The following NKAIN2 variants were observed in gnomAD, a reference collection of about 807,000 sequenced individuals.
NKAIN2 encodes sodium/potassium transporting ATPase interacting 2, also known as sodium/potassium-transporting ATPase subunit beta-1-interacting protein 2.
Under a neutral mutation model 32.6 loss-of-function variants are expected in NKAIN2, and 14 were observed. The observed-to-expected ratio is 0.43, with a 90% CI of 0.28 to 0.67. The LOEUF (loss-of-function observed/expected upper bound fraction) is 0.67, where lower values mean the gene tolerates loss of function less well. Among genes scored for constraint, NKAIN2 ranks in the 30% least tolerant of loss-of-function variants. The pLI, the probability that NKAIN2 is intolerant of heterozygous loss-of-function variation, is 0.17. For synonymous variants in NKAIN2, 80 were observed against 87.2 expected, an observed-to-expected ratio of 0.92 and a Z score of 0.46; for missense variants, 198 against 258.3, an observed-to-expected ratio of 0.77 and a Z score of 1.60.
chr6:123,837,303 G>A (rs1256362540), intron 1 of NKAIN2, among the ~76,000 whole-genome samples: 1 of 151,706 alleles, frequency 6.6e-6, no homozygotes, highest in East Asian at 1.9e-4. Flanking sequence ...ATGTCAAATA[G>A]GATTTCCAAT....
At chr6:124,211,848 T>A (rs760976448) in intron 1 of NKAIN2, among the ~76,000 whole-genome samples, 1 of 152,074 alleles carries the variant, frequency 6.6e-6, no homozygotes, top group Non-Finnish European at 1.5e-5. Context: ...GTTTAAATAG[T>A]GCCAATTATA....
At chr6:123,866,221 TC>T (rs1415720677) in intron 1 of NKAIN2, among the ~76,000 whole-genome samples, 3 of 152,292 alleles carry the variant, frequency 2.0e-5, no homozygotes, top group Admixed American at 2.0e-4. Context: ...TTACTCTTTT[TC>T]CCTCTCCTTT....
At chr6:124,733,780 T>C (rs1457140541) in intron 4 of NKAIN2, among the ~76,000 whole-genome samples, 1 of 151,712 alleles carries the variant, frequency 6.6e-6, no homozygotes, top group African/African-American at 2.4e-5. Flanking sequence ...TACATAGAAA[T>C]ATACACATGT....
chr6:124,530,562 G>A (rs554855143), intron 3 of NKAIN2, among the ~76,000 whole-genome samples: 1 of 152,240 alleles, frequency 6.6e-6, no homozygotes, highest in Admixed American at 6.5e-5. Context: ...ACCGAGCTGT[G>A]CAAGGGTCAA....
At chr6:124,537,889 T>C (rs1779775032) in intron 3 of NKAIN2, among the ~76,000 whole-genome samples, 1 of 152,242 alleles carries the variant, frequency 6.6e-6, no homozygotes, top group African/African-American at 2.4e-5. Flanking sequence ...AGGGTCATTG[T>C]CATAGTTACT....
intron 3 of NKAIN2, among the ~76,000 whole-genome samples, chr6:124,427,826 G>A (rs997039456): frequency 7.2e-5 from 11 of 152,120 alleles, no homozygotes; most frequent in East Asian, 5.8e-4. Flanking sequence ...TCAGTGTCAC[G>A]AAACCACGGA....
At chr6:124,124,357 C>T (rs1786047131) in intron 1 of NKAIN2, among the ~76,000 whole-genome samples, 1 of 77,064 alleles carries the variant, frequency 1.3e-5, no homozygotes, top group Admixed American at 1.2e-4. Flanking sequence ...AATTATTGCT[C>T]TTCCAGTTAA....
chr6:124,527,080 A>G (rs1368321607), intron 3 of NKAIN2, among the ~76,000 whole-genome samples: 1 of 152,070 alleles, frequency 6.6e-6, no homozygotes, highest in African/African-American at 2.4e-5. Context: ...AAAGTACCCA[A>G]CTCAGAGTGA....
At chr6:124,608,668 A>G (rs1782582298) in intron 3 of NKAIN2, among the ~76,000 whole-genome samples, 1 of 152,180 alleles carries the variant, frequency 6.6e-6, no homozygotes, top group African/African-American at 2.4e-5. Flanking sequence ...GAAACTTCTG[A>G]TTTTATAATG....
intron 3 of NKAIN2, among the ~76,000 whole-genome samples, chr6:124,456,327 C>T (rs1349241122): frequency 6.6e-6 from 1 of 151,536 alleles, no homozygotes; most frequent in East Asian, 1.9e-4. Context: ...AAAAAAACGA[C>T]ATACCTAACT....
intron 1 of NKAIN2, among the ~76,000 whole-genome samples, chr6:123,804,792 G>A (rs891905922): frequency 6.6e-6 from 1 of 152,066 alleles, no homozygotes; most frequent in Non-Finnish European, 1.5e-5. Flanking sequence ...GACTGTTTGA[G>A]TTTTAGCCAC....
chr6:124,156,195 A>T (rs547504670), intron 1 of NKAIN2, among the ~76,000 whole-genome samples: 4 of 152,160 alleles, frequency 2.6e-5, no homozygotes, highest in Non-Finnish European at 5.9e-5. Context: ...GTCACTAGAT[A>T]CTTATGGATG....
At chr6:124,571,318 TG>T (rs939168366) in intron 3 of NKAIN2, among the ~76,000 whole-genome samples, 1 of 152,056 alleles carries the variant, frequency 6.6e-6, no homozygotes, top group African/African-American at 2.4e-5. Context: ...TTTTAAAAAG[TG>T]AGGACATGAG....
chr6:124,701,700 TTCTC>T (rs757617406), intron 4 of NKAIN2, among the ~76,000 whole-genome samples: 1 of 150,294 alleles, frequency 6.7e-6, no homozygotes, highest in Non-Finnish European at 1.5e-5. Context: ...TTACATGTGT[TTCTC>T]TTCTTTGTGT....
At chr6:124,709,234 G>A (rs1366658992) in intron 4 of NKAIN2, among the ~76,000 whole-genome samples, 1 of 149,024 alleles carries the variant, frequency 6.7e-6, no homozygotes, top group African/African-American at 2.5e-5. Flanking sequence ...TGCTGGATTT[G>A]TTTTGCCAGT....
At chr6:124,753,254 T>C (rs943217422) in intron 4 of NKAIN2, among the ~76,000 whole-genome samples, 11 of 152,150 alleles carry the variant, frequency 7.2e-5, no homozygotes, top group Admixed American at 6.6e-4. Context: ...CATGTCACCT[T>C]GTCTGCAGAG....
intron 1 of NKAIN2, among the ~76,000 whole-genome samples, chr6:124,240,770 A>G (rs1793045400): frequency 6.6e-6 from 1 of 152,172 alleles, no homozygotes; most frequent in Admixed American, 6.5e-5. Context: ...ATTTATGACA[A>G]TCCCACAGCC....
At chr6:124,703,411 C>T (rs1401309682) in intron 4 of NKAIN2, among the ~76,000 whole-genome samples, 3 of 152,136 alleles carry the variant, frequency 2.0e-5, no homozygotes, top group African/African-American at 4.8e-5. Context: ...TGGAAGGTGC[C>T]TATGATGATT....
At chr6:124,656,347 A>C (rs73575532) in intron 3 of NKAIN2, among the ~76,000 whole-genome samples, 3,023 of 152,172 alleles carry the variant, frequency 0.02, 87 homozygotes, top group African/African-American at 0.067. Context: ...TCAAAATTAA[A>C]CTTCTTCCTT....
Sources: gnomAD v4.1 joint callset for allele counts (sites outside exome capture counted in the v4.1 genomes callset) on GRCh38, gnomAD v4.1.1 for gene constraint, MANE v1.5 for transcripts, NCBI Gene and HGNC (gene_info 2026-07-23, HGNC 2026-07-21) for gene names.